TYW1B: variants seen among roughly 807,000 people sequenced by gnomAD.
TYW1B encodes S-adenosyl-L-methionine-dependent tRNA 4-demethylwyosine synthase TYW1B.
TYW1B carries 73 observed loss-of-function variants against 86.9 expected under a neutral mutation model. The observed-to-expected ratio is 0.84, with a 90% CI of 0.70 to 1.02. The LOEUF is 1.02. Ranked by LOEUF, TYW1B falls within the 50% of genes least tolerant of loss-of-function variation. The pLI, the probability that TYW1B is intolerant of heterozygous loss-of-function variation, is 0.00. For missense variants in TYW1B, 637 were observed against 827.4 expected, an observed-to-expected ratio of 0.77 and a Z score of 2.82; for synonymous variants, 248 against 292.8, an observed-to-expected ratio of 0.85 and a Z score of 1.56.
chr7:72,726,664 T>C (rs149832604), intron 9 of TYW1B, among the ~76,000 whole-genome samples: 1 of 152,244 alleles, frequency 6.6e-6, no homozygotes, highest in Non-Finnish European at 1.5e-5. Context: ...GTGCCGAGCC[T>C]ACTGAATAAT....
At chr7:72,785,553 G>A (rs1404795523) in intron 6 of TYW1B, among the ~76,000 whole-genome samples, 6 of 151,664 alleles carry the variant, frequency 4.0e-5, no homozygotes, top group Non-Finnish European at 7.4e-5. Context: ...GGCAGATACC[G>A]TTATCTCTCA....
In TYW1B at chr7:72,606,121, G is replaced by C. The variant is rs549842083; in HGVS notation, c.1785+10551C>G. Among the ~76,000 whole-genome samples, 19 of 152,256 alleles carry C rather than the reference G, an allele frequency of 1.2e-4. No homozygotes were observed. In the South Asian group the frequency reaches 3.7e-3, roughly 30 times the overall value. On this transcript the variant is annotated intron_variant, in intron 13 of 13. Coordinates refer to ENST00000620995, the MANE Select transcript of TYW1B (RefSeq NM_001145440.3). ...GGAACAACATGGTGGTGAGTTTCTT[G>C]AGTTTTATTTTTGGCTCAGATATCC...
At chr7:72,640,521 TA>T (rs1196198556) in intron 11 of TYW1B, among the ~76,000 whole-genome samples, 23 of 144,272 alleles carry the variant, frequency 1.6e-4, no homozygotes, top group East Asian at 4.0e-4. Flanking sequence ...AGCACTGACC[TA>T]AAAAAAAAAA....
intron 9 of TYW1B, among the ~76,000 whole-genome samples, chr7:72,717,376 G>A (rs1159152268): frequency 6.6e-6 from 1 of 151,666 alleles, no homozygotes; most frequent in Non-Finnish European, 1.5e-5. Flanking sequence ...ATCTCCACCA[G>A]GCACCACTTT....
At chr7:72,741,017 A>C (rs1787294947) in intron 8 of TYW1B, among the ~76,000 whole-genome samples, 1 of 152,132 alleles carries the variant, frequency 6.6e-6, no homozygotes, top group Non-Finnish European at 1.5e-5. Context: ...GGCATGAACC[A>C]CCATGCCAGG....
chr7:72,772,667 C>T (rs1421058368), intron 7 of TYW1B, among the ~76,000 whole-genome samples: 1 of 152,142 alleles, frequency 6.6e-6, no homozygotes, highest in Non-Finnish European at 1.5e-5. Flanking sequence ...GTAGTACATT[C>T]TGATTTCAGA....
intron 13 of TYW1B, among the ~76,000 whole-genome samples, chr7:72,603,170 G>A (rs1182002215): frequency 6.8e-6 from 1 of 147,114 alleles, no homozygotes; most frequent in Non-Finnish European, 1.5e-5. Flanking sequence ...GATAGAAGAT[G>A]GATGGATGGA....
intron 7 of TYW1B, among the ~76,000 whole-genome samples, chr7:72,756,523 C>G (rs1196228473): frequency 1.3e-5 from 2 of 152,024 alleles, no homozygotes; most frequent in Non-Finnish European, 2.9e-5. Flanking sequence ...GTGTGAGCCA[C>G]GACACCCGGC....
intron 11 of TYW1B, among the ~76,000 whole-genome samples, chr7:72,659,406 T>G (rs1472196143): frequency 6.6e-6 from 1 of 152,082 alleles, no homozygotes; most frequent in Non-Finnish European, 1.5e-5. Flanking sequence ...TGGTGAAACC[T>G]GTCTCTACTA....
chr7:72,791,426 A>G (rs1326855677), intron 6 of TYW1B, among the ~76,000 whole-genome samples: 1 of 152,118 alleles, frequency 6.6e-6, no homozygotes, highest in East Asian at 1.9e-4. Flanking sequence ...AAAAAAAAAA[A>G]AAAAAGGAAA....
chr7:72,644,826 C>CTT lies in TYW1B; in HGVS notation c.1507-15831_1507-15830dup, dbSNP rs371295909. ...ATAAGAAACTCTCTTCATGACTTTCCTTTTTTTTTTTTTTTTTTTTTGAGA... is the reference window on the plus strand; with the variant it reads ...ATAAGAAACTCTCTTCATGACTTTCCTTTTTTTTTTTTTTTTTTTTTTTGAGA... On this transcript the variant is annotated intron_variant, in intron 11 of 13. Coordinates refer to ENST00000620995, the MANE Select transcript of TYW1B (RefSeq NM_001145440.3). Among the ~76,000 whole-genome samples, 885 of 119,590 alleles carry CTT rather than the reference C, an allele frequency of 7.4e-3. 31 individuals carry two copies. The highest frequency in any genetic ancestry group is 0.023 in the African/African-American group (682 of 30,136). The allele number at this position is 119,590 out of a possible 152,430, so 78.5% of individuals were successfully genotyped here.
At chr7:72,688,385 C>CAATG (rs1352708533) in intron 11 of TYW1B, among the ~76,000 whole-genome samples, 2 of 152,210 alleles carry the variant, frequency 1.3e-5, no homozygotes, top group African/African-American at 4.8e-5. Flanking sequence ...TCCCTCCATA[C>CAATG]AATGGCTTCC....
intron 8 of TYW1B, among the ~76,000 whole-genome samples, chr7:72,743,900 C>G (rs569578588): frequency 6.6e-6 from 1 of 151,180 alleles, no homozygotes; most frequent in African/African-American, 2.4e-5. Context: ...CAAGCACCAC[C>G]ACCCCCAAAA....
At chr7:72,820,540 A>G (rs1298373105) in intron 2 of TYW1B, among the ~76,000 whole-genome samples, 2 of 152,210 alleles carry the variant, frequency 1.3e-5, no homozygotes, top group Non-Finnish European at 2.9e-5. Context: ...TGAGGGCTCC[A>G]GGCTGCTTCT....
chr7:72,656,165 C>T (rs1300899027), intron 11 of TYW1B, among the ~76,000 whole-genome samples: 1 of 152,158 alleles, frequency 6.6e-6, no homozygotes, highest in South Asian at 2.1e-4. Flanking sequence ...CCTCCACTAA[C>T]AACCACAGCC....
intron 10 of TYW1B, among the ~76,000 whole-genome samples, chr7:72,703,774 G>A (rs1554453152): frequency 6.6e-6 from 1 of 151,138 alleles, no homozygotes; most frequent in Non-Finnish European, 1.5e-5. Context: ...AGAATCACTT[G>A]AATTCGAAAG....
intron 13 of TYW1B, among the ~76,000 whole-genome samples, chr7:72,604,384 C>T (rs1811746641): frequency 6.6e-6 from 1 of 152,042 alleles, no homozygotes; most frequent in Non-Finnish European, 1.5e-5. Flanking sequence ...ATTGCTTGAA[C>T]CCGGGAGATG....
chr7:72,599,605 G>A (rs1477266613), intron 13 of TYW1B, among the ~76,000 whole-genome samples: 2 of 152,030 alleles, frequency 1.3e-5, no homozygotes, highest in Non-Finnish European at 2.9e-5. Flanking sequence ...CTGTGTACAG[G>A]TGACGTGATT....
At chr7:72,694,525 G>A (rs1318150296) in intron 11 of TYW1B, among the ~76,000 whole-genome samples, 162 bp downstream of exon 11, 1 of 152,162 alleles carries the variant, frequency 6.6e-6, no homozygotes, top group African/African-American at 2.4e-5. Context: ...AAAATTCCTT[G>A]AAGAAGTCTC....
Sources: allele counts gnomAD v4.1 joint callset (sites outside exome capture counted in the v4.1 genomes callset), GRCh38; gene constraint gnomAD v4.1.1; transcripts MANE v1.5; gene names NCBI Gene and HGNC (gene_info 2026-07-23, HGNC 2026-07-21).